The following PPM1H variants were observed in gnomAD, a reference collection of about 807,000 sequenced individuals.
PPM1H encodes the protein protein phosphatase 1H.
Under a neutral mutation model 54.9 loss-of-function variants are expected in PPM1H, and 27 were observed. The observed-to-expected ratio is 0.49, with a 90% CI of 0.36 to 0.68. The LOEUF (loss-of-function observed/expected upper bound fraction) is 0.68. Ranked by LOEUF, PPM1H falls within the 30% of genes least tolerant of loss-of-function variation. PPM1H has a pLI of 0.00. For missense variants in PPM1H, 596 were observed against 667.8 expected (o/e 0.89, Z 1.19); for synonymous variants, 305 against 270.8 (o/e 1.13, Z -1.24).
chr12:62,832,238 G>T lies in PPM1H; in HGVS notation c.287C>A (p.Ala96Asp). ...AGKSTHNEDQ[A>D]SCEVLTVKKK... ...CTTCACAGTGAGCACCTCACAGCTG[G>T]CTTGGTCTTCATTGTGTGTGCTCTT... Residue 96 changes from alanine (A) to aspartate (D), a missense_variant, in exon 2 of 10, where the codon GCC becomes GAC. Around this residue, in one of 3 missense-constraint regions of PPM1H, gnomAD observed 382 missense variants for 387.1 expected, o/e 0.99. Coordinates refer to ENST00000228705, the MANE Select transcript of PPM1H (RefSeq NM_020700.2). The T allele has an allele frequency of 3.1e-6, 5 of 1,613,324 alleles. No individual in the cohort carries two copies. Among genetic ancestry groups the T allele is most frequent in the Non-Finnish European group, 4.2e-6 (5 of 1,179,662 alleles).
intron 5 of PPM1H, among the ~76,000 whole-genome samples, chr12:62,730,401 A>C (rs138840666): frequency 6.6e-6 from 1 of 152,324 alleles, no homozygotes. Flanking sequence ...GGAGACTGCC[A>C]AACTCTTTTT....
intron 9 of PPM1H, 26 bp from the exon 10 acceptor site, chr12:62,648,662 C>T (rs1356724805): frequency 2.5e-6 from 4 of 1,611,708 alleles, no homozygotes; most frequent in Non-Finnish European, 2.5e-6. Flanking sequence ...AGGAACGAGA[C>T]AGTCAGTAGA....
rs113374292 is a variant in PPM1H, at chr12:62,882,089, A to T, written c.246-49810T>A. On this transcript the variant is annotated intron_variant, in intron 1 of 9. Coordinates refer to ENST00000228705, the MANE Select transcript of PPM1H (RefSeq NM_020700.2). The stretch of plus-strand genomic sequence containing the variant: ...GTCAAATACTGGAAACTGTCCAACA[A>T]TACTAATAAATAAAATGAAAGTAAA... Among the ~76,000 whole-genome samples the T allele has an allele frequency of 9.9e-3, 1,516 of 152,362 alleles. 13 individuals carry two copies. Among genetic ancestry groups the T allele is most frequent in the Non-Finnish European group, 0.015 (1,039 of 68,036 alleles).
rs570703145 is a variant in PPM1H, at chr12:62,934,642, C to T, written c.95G>A (p.Gly32Asp). The change falls in exon 1 of 10, where the codon GGC becomes GAC. Residue 32 changes from glycine (G) to aspartate (D), a missense_variant. Gly to Asp is a moderately conservative substitution (Grantham distance 94). Around this residue, in one of 3 missense-constraint regions of PPM1H, gnomAD observed 382 missense variants for 387.1 expected, o/e 0.99. Coordinates refer to ENST00000228705, the MANE Select transcript of PPM1H (RefSeq NM_020700.2). This position sits in a 1 kb window ranked among gnomAD's most constrained non-coding sequence, Gnocchi z 4.2. ...GGGGAAACGCAGGGGCAGGTCCGAG[C>T]CTCCGCAGCTGCCGCCGCCGTGCTC... ...GSEHGGGSCG[G>D]SDLPLRFPYG... The T allele has an allele frequency of 2.6e-5, 41 of 1,594,470 alleles. No homozygotes were observed. The East Asian group carries it at 8.7e-4, about 34-fold the overall frequency.
At chr12:62,756,829 G>A (rs550557235) in intron 4 of PPM1H, among the ~76,000 whole-genome samples, 2 of 152,130 alleles carry the variant, frequency 1.3e-5, no homozygotes, top group Non-Finnish European at 2.9e-5. Context: ...GAGAGGGAAA[G>A]AGAAAGCAGG....
intron 1 of PPM1H, among the ~76,000 whole-genome samples, chr12:62,932,564 C>CATCTACACAATTAT (rs1367053374): frequency 6.8e-6 from 1 of 147,238 alleles, no homozygotes; most frequent in African/African-American, 2.5e-5. Context: ...CAAGGACCCC[C>CATCTACACAATTAT]ATCTACACAA....
chr12:62,923,645 G>A (rs189968276), intron 1 of PPM1H, among the ~76,000 whole-genome samples: 163 of 152,282 alleles, frequency 1.1e-3, no homozygotes, highest in Admixed American at 2.9e-3. Flanking sequence ...CAGGTGATTC[G>A]CCCACCTCGG....
chr12:62,777,192 C>T (rs2120668198), intron 4 of PPM1H, among the ~76,000 whole-genome samples: 1 of 152,322 alleles, frequency 6.6e-6, no homozygotes, highest in South Asian at 2.1e-4. Flanking sequence ...AGTGTACCAG[C>T]ATTGCTATTT....
intron 4 of PPM1H, 111 bp from the exon 5 acceptor site, chr12:62,737,697 T>C (rs1481664066): frequency 1.4e-6 from 1 of 714,048 alleles, no homozygotes; most frequent in Non-Finnish European, 2.2e-6. Context: ...TGTTTTTGTT[T>C]TCCCACTTGC....
chr12:62,818,737 C>T (rs888774534), intron 2 of PPM1H, among the ~76,000 whole-genome samples: 1 of 152,160 alleles, frequency 6.6e-6, no homozygotes, highest in African/African-American at 2.4e-5. Context: ...AAAGTTCCAC[C>T]TTCATTTGTC....
chr12:62,915,257 G>A (rs1203857463), intron 1 of PPM1H, among the ~76,000 whole-genome samples: 2 of 152,206 alleles, frequency 1.3e-5, no homozygotes, highest in East Asian at 1.9e-4. Flanking sequence ...AAGAAACTTG[G>A]CTTAGGGTTT....
chr12:62,708,344 T>C (rs1283813316), intron 6 of PPM1H, among the ~76,000 whole-genome samples: 2 of 152,306 alleles, frequency 1.3e-5, no homozygotes, highest in African/African-American at 2.4e-5. Flanking sequence ...AGCAAGGAGT[T>C]TGAAACCATC....
At chr12:62,874,617 C>G (rs537800203) in intron 1 of PPM1H, among the ~76,000 whole-genome samples, 69 of 152,204 alleles carry the variant, frequency 4.5e-4, no homozygotes, top group African/African-American at 1.5e-3. Flanking sequence ...ATCTAAGAAA[C>G]TAGGACACAG....
At chr12:62,855,859 TCAAA>T (rs1479800439) in intron 1 of PPM1H, among the ~76,000 whole-genome samples, 3 of 152,226 alleles carry the variant, frequency 2.0e-5, no homozygotes, top group Non-Finnish European at 2.9e-5. Flanking sequence ...AGCTGTGTTC[TCAAA>T]CAAAGGGACA....
intron 2 of PPM1H, among the ~76,000 whole-genome samples, chr12:62,816,473 T>C (rs1171791752): frequency 6.6e-6 from 1 of 152,190 alleles, no homozygotes; most frequent in East Asian, 1.9e-4. Context: ...GAAATAAGAC[T>C]ACCTTCAGAC....
At chr12:62,684,032 T>A (rs971579207) in intron 8 of PPM1H, among the ~76,000 whole-genome samples, 10 of 152,150 alleles carry the variant, frequency 6.6e-5, no homozygotes, top group Admixed American at 4.6e-4. Flanking sequence ...AGTTAACAAA[T>A]CCTATCCTTC....
intron 4 of PPM1H, among the ~76,000 whole-genome samples, chr12:62,743,408 G>A (rs555401712): frequency 1.0e-3 from 153 of 150,698 alleles, no homozygotes; most frequent in African/African-American, 3.5e-3. Flanking sequence ...CTACATGAGA[G>A]GATAAAGGTA....
intron 5 of PPM1H, among the ~76,000 whole-genome samples, chr12:62,723,760 C>T (rs370103559): frequency 6.6e-6 from 1 of 152,104 alleles, no homozygotes; most frequent in Non-Finnish European, 1.5e-5. Flanking sequence ...AATACAGATA[C>T]GTGGCATGCA....
At chr12:62,815,272 C>T (rs2076859646) in intron 2 of PPM1H, among the ~76,000 whole-genome samples, 1 of 152,028 alleles carries the variant, frequency 6.6e-6, no homozygotes, top group Admixed American at 6.5e-5. Context: ...AATGAATATG[C>T]TGCTTCCTTC....
Sources: allele counts gnomAD v4.1 joint callset (sites outside exome capture counted in the v4.1 genomes callset), GRCh38; gene constraint gnomAD v4.1.1; regional missense constraint gnomAD v4.1.1; non-coding constraint Gnocchi (gnomAD v3.1); transcripts MANE v1.5; gene names NCBI Gene and HGNC (gene_info 2026-07-23, HGNC 2026-07-21).